RFX4: variants seen among roughly 807,000 people sequenced by gnomAD.
The protein encoded by RFX4 is regulatory factor X4.
In RFX4, 10 loss-of-function variants were observed where a neutral mutation model predicts 95.0. The observed-to-expected ratio is 0.11, with a 90% CI of 0.06 to 0.18. The LOEUF is 0.18. Ranked by LOEUF, RFX4 falls within the 10% of genes least tolerant of loss-of-function variation. The probability of loss-of-function intolerance (pLI) is 1.00; values close to 1 mark genes in which losing one functional copy is unlikely to be tolerated. For missense variants in RFX4, 640 were observed against 922.0 expected, an observed-to-expected ratio of 0.69 and a Z score of 3.96; for synonymous variants, 321 against 340.7, an observed-to-expected ratio of 0.94 and a Z score of 0.64.
intron 3 of RFX4, among the ~76,000 whole-genome samples, chr12:106,653,618 T>G (rs1301044611): frequency 6.6e-6 from 1 of 152,192 alleles, no homozygotes; most frequent in Admixed American, 6.5e-5. Context: ...TATAGAATCA[T>G]TATTCCTAGC....
chr12:106,735,848 T>C (rs1412332569), intron 15 of RFX4, among the ~76,000 whole-genome samples: 4 of 152,140 alleles, frequency 2.6e-5, no homozygotes, highest in African/African-American at 7.2e-5. Flanking sequence ...AGGAAGAATG[T>C]GGTATATGCA....
chr12:106,584,898 A>G (rs1449435010), intron 1 of RFX4, among the ~76,000 whole-genome samples: 1 of 152,176 alleles, frequency 6.6e-6, no homozygotes, highest in Non-Finnish European at 1.5e-5. Context: ...CTCGATGACA[A>G]ACGAAGGCAA....
At chr12:106,641,967 C>CTATATCTATCTATATCTATATCTA (rs371927014) in intron 3 of RFX4, among the ~76,000 whole-genome samples, 24 of 134,994 alleles carry the variant, frequency 1.8e-4, no homozygotes, top group African/African-American at 4.3e-4. Flanking sequence ...ATATCTATAT[C>CTATATCTATCTATATCTATATCTA]TATCTATATC....
At chr12:106,750,489 A>C (rs1490551348) in intron 16 of RFX4, among the ~76,000 whole-genome samples, 166 bp from the exon 17 acceptor site, 2 of 151,800 alleles carry the variant, frequency 1.3e-5, no homozygotes, top group Non-Finnish European at 2.9e-5. Flanking sequence ...AAAAAAAAAA[A>C]AAACAGATGA....
intron 1 of RFX4, among the ~76,000 whole-genome samples, chr12:106,606,453 GAGA>G (rs1448185231): frequency 2.0e-5 from 3 of 152,168 alleles, no homozygotes; most frequent in African/African-American, 7.2e-5. Context: ...TTGAAAGGAT[GAGA>G]AGAAGTGAGT....
At chr12:106,613,333 T>C (rs766398490) in intron 2 of RFX4, among the ~76,000 whole-genome samples, 2 of 151,038 alleles carry the variant, frequency 1.3e-5, no homozygotes, top group East Asian at 3.9e-4. Flanking sequence ...CTGAATTCTG[T>C]TTGTTAGTAT....
intron 5 of RFX4, among the ~76,000 whole-genome samples, chr12:106,684,297 G>A (rs111291670): frequency 6.6e-6 from 1 of 152,310 alleles, no homozygotes; most frequent in African/African-American, 2.4e-5. Context: ...AAGCTGAAAG[G>A]CAGAGGTTTC....
At chr12:106,642,329 T>C (rs144101224) in intron 3 of RFX4, among the ~76,000 whole-genome samples, 1 of 151,408 alleles carries the variant, frequency 6.6e-6, no homozygotes, top group African/African-American at 2.4e-5. Flanking sequence ...ATTAAACTAA[T>C]GACACTCAGG....
intron 4 of RFX4, among the ~76,000 whole-genome samples, chr12:106,674,487 C>T (rs539734426): frequency 2.9e-4 from 44 of 152,150 alleles, no homozygotes; most frequent in African/African-American, 8.9e-4. Context: ...TGCACCACCA[C>T]GCCAAACTAA....
chr12:106,706,080 T>C (rs1377320865), intron 8 of RFX4, among the ~76,000 whole-genome samples: 1 of 152,174 alleles, frequency 6.6e-6, no homozygotes, highest in Admixed American at 6.5e-5. Context: ...AGAAATAATA[T>C]CTAGTCTGAG....
intron 4 of RFX4, among the ~76,000 whole-genome samples, chr12:106,667,394 C>T (rs1007444048): frequency 2.6e-5 from 4 of 152,114 alleles, no homozygotes; most frequent in Admixed American, 6.6e-5. Flanking sequence ...AGTGCTCCAG[C>T]GTATTTCAAA....
At chr12:106,675,413 G>C (rs751133023) in intron 4 of RFX4, among the ~76,000 whole-genome samples, 1 of 152,040 alleles carries the variant, frequency 6.6e-6, no homozygotes, top group Admixed American at 6.6e-5. Flanking sequence ...CCTGGGTGAC[G>C]AGTGAGACTC....
chr12:106,610,412 G>T (rs2039937512), intron 2 of RFX4, among the ~76,000 whole-genome samples: 1 of 152,098 alleles, frequency 6.6e-6, no homozygotes. Context: ...CATTTCCAGA[G>T]CTTTCTTCAT....
chr12:106,685,547 T>C (rs2041627457), intron 5 of RFX4, among the ~76,000 whole-genome samples: 1 of 152,166 alleles, frequency 6.6e-6, no homozygotes, highest in African/African-American at 2.4e-5. Context: ...CCTATGGTGC[T>C]TGATTCAGTG....
intron 4 of RFX4, among the ~76,000 whole-genome samples, chr12:106,663,234 A>C (rs1261485762): frequency 6.6e-6 from 1 of 151,964 alleles, no homozygotes; most frequent in Non-Finnish European, 1.5e-5. Context: ...GATTTAGTTC[A>C]TCAGAATTTT....
intron 5 of RFX4, among the ~76,000 whole-genome samples, chr12:106,684,168 A>G (rs966289608): frequency 6.6e-6 from 1 of 152,186 alleles, no homozygotes; most frequent in African/African-American, 2.4e-5. Flanking sequence ...GGAGTTCAAG[A>G]TCAGCCTGGC....
At chr12:106,626,557 C>G (rs1246887565) in intron 2 of RFX4, among the ~76,000 whole-genome samples, 1 of 152,102 alleles carries the variant, frequency 6.6e-6, no homozygotes, top group Non-Finnish European at 1.5e-5. Context: ...ACTGAAGGAG[C>G]TGGCTGAGGA....
intron 1 of RFX4, among the ~76,000 whole-genome samples, chr12:106,593,681 A>C (rs1388497528): frequency 6.6e-6 from 1 of 152,242 alleles, no homozygotes; most frequent in African/African-American, 2.4e-5. Flanking sequence ...GAATGTTGCG[A>C]TTATAGGATT....
At chr12:106,669,499 A>C (rs759530748) in intron 4 of RFX4, among the ~76,000 whole-genome samples, 4 of 152,118 alleles carry the variant, frequency 2.6e-5, no homozygotes, top group Non-Finnish European at 5.9e-5. Flanking sequence ...CCTGTGCTTC[A>C]TCAGCTGCAC....
Sources: allele counts gnomAD v4.1 joint callset (sites outside exome capture counted in the v4.1 genomes callset), GRCh38; gene constraint gnomAD v4.1.1; transcripts MANE v1.5; gene names NCBI Gene and HGNC (gene_info 2026-07-23, HGNC 2026-07-21).